Variants in WASL observed in about 807,000 individuals in gnomAD.
WASL encodes WASP like actin nucleation promoting factor.
In WASL, 20 loss-of-function variants were observed where a neutral mutation model predicts 55.5. That is an observed-to-expected ratio of 0.36 (90% CI 0.25 to 0.52). The LOEUF (loss-of-function observed/expected upper bound fraction) is 0.52, where lower values mean the gene tolerates loss of function less well. Among genes scored for constraint, WASL ranks in the 20% least tolerant of loss-of-function variants. The pLI, the probability that WASL is intolerant of heterozygous loss-of-function variation, is 0.92. For synonymous variants in WASL, 249 were observed against 217.6 expected, an observed-to-expected ratio of 1.14 and a Z score of -1.27; for missense variants, 504 against 622.5, an observed-to-expected ratio of 0.81 and a Z score of 2.03.
At chr7:123,742,153 C>T (rs910600020) in intron 1 of WASL, among the ~76,000 whole-genome samples, 4 of 152,110 alleles carry the variant, frequency 2.6e-5, no homozygotes, top group Admixed American at 6.5e-5. Flanking sequence ...TTCTAATATC[C>T]AGAGCACAGC....
Position 123,694,770 on chromosome 7 carries a change from G to A in WASL, c.771C>T (p.Asp257=). The change falls in exon 8 of 11, where the codon GAC becomes GAT. Residue 257 remains aspartate (D), a synonymous_variant. Transcript: ENST00000223023. ...CAACACCTCCTGTTTTTTCAATAAA[G>A]TCATATATAACTTTTGATGTTTCTC... The part of the protein sequence containing the change: ...KDRETSKVIY[D]FIEKTGGVEA... 1 of 1,612,706 alleles carries A rather than the reference G, an allele frequency of 6.2e-7. No homozygotes were observed. Among genetic ancestry groups the A allele is most frequent in the Non-Finnish European group, 8.5e-7 (1 of 1,179,382 alleles).
chr7:123,710,481 T>G (rs56396297), intron 1 of WASL, among the ~76,000 whole-genome samples: 2 of 151,672 alleles, frequency 1.3e-5, no homozygotes, highest in African/African-American at 4.8e-5. Flanking sequence ...GGGGTGCCCT[T>G]TTTTGGTAAG....
In WASL at chr7:123,748,797, T is replaced by C; in HGVS notation, c.-63A>G. On this transcript the variant is annotated 5_prime_UTR_variant, in exon 1 of 11. Transcript: ENST00000223023. ...CTCCGGCGAGTGGGCGAGAGCTCGTTCCCCCTCTCGGTGACAGGGGCGGGG... is the reference window on the plus strand; with the variant it reads ...CTCCGGCGAGTGGGCGAGAGCTCGTCCCCCCTCTCGGTGACAGGGGCGGGG... 7.4e-7 allele frequency: 1 copy of C among 1,352,364 alleles called. No individual in the cohort carries two copies. Among genetic ancestry groups the C allele is most frequent in the Non-Finnish European group, 9.8e-7 (1 of 1,017,518 alleles). 83.8% of individuals were successfully genotyped at this position (1,352,364 alleles called of 1,614,324 possible). A position where few individuals can be genotyped will look rare whatever the true frequency, so the allele number is the denominator to read the frequency against.
intron 1 of WASL, among the ~76,000 whole-genome samples, chr7:123,711,737 A>T (rs1803761502): frequency 1.3e-5 from 2 of 152,204 alleles, no homozygotes; most frequent in Admixed American, 6.6e-5. Context: ...AGTAATTACA[A>T]CAAATCAATT....
chr7:123,693,094 G>C (rs565523586), intron 8 of WASL, among the ~76,000 whole-genome samples: 4 of 152,004 alleles, frequency 2.6e-5, no homozygotes, highest in Non-Finnish European at 4.4e-5. Flanking sequence ...AAAAATATGA[G>C]CTAAAACAGA....
intron 1 of WASL, among the ~76,000 whole-genome samples, chr7:123,724,505 CTT>C (rs1487429591): frequency 6.6e-6 from 1 of 152,112 alleles, no homozygotes; most frequent in Non-Finnish European, 1.5e-5. Flanking sequence ...TATTGAATGA[CTT>C]ATAAGTTCCC....
At chr7:123,717,547 C>T (rs1032566767) in intron 1 of WASL, among the ~76,000 whole-genome samples, 1 of 152,172 alleles carries the variant, frequency 6.6e-6, no homozygotes, top group Non-Finnish European at 1.5e-5. Flanking sequence ...TGAGTGTTGC[C>T]CAGCTCCTGC....
intron 1 of WASL, among the ~76,000 whole-genome samples, chr7:123,717,029 C>CA (rs1313339049): frequency 1.3e-5 from 2 of 152,012 alleles, no homozygotes; most frequent in African/African-American, 2.4e-5. Flanking sequence ...TGCCCTATGC[C>CA]AGCTAAATGA....
chr7:123,733,787 T>C (rs1029143828), intron 1 of WASL, among the ~76,000 whole-genome samples: 3 of 151,914 alleles, frequency 2.0e-5, no homozygotes, highest in African/African-American at 7.3e-5. Flanking sequence ...CAAAATAGAC[T>C]GGTGGCCCAG....
At chr7:123,707,137 A>C (rs1208744472) in intron 2 of WASL, among the ~76,000 whole-genome samples, 3 of 152,138 alleles carry the variant, frequency 2.0e-5, no homozygotes, top group African/African-American at 4.8e-5. Flanking sequence ...AACCAGAATA[A>C]TTACTAGGTC....
At chr7:123,734,214 T>C (rs1265523528) in intron 1 of WASL, among the ~76,000 whole-genome samples, 1 of 152,010 alleles carries the variant, frequency 6.6e-6, no homozygotes, top group African/African-American at 2.4e-5. Context: ...CAGACTCAGA[T>C]AAAAATACAT....
At chr7:123,715,586 A>G (rs549689390) in intron 1 of WASL, among the ~76,000 whole-genome samples, 1 of 152,342 alleles carries the variant, frequency 6.6e-6, no homozygotes, top group South Asian at 2.1e-4. Flanking sequence ...AGTTATGACA[A>G]ATTTTTGGTT....
intron 1 of WASL, among the ~76,000 whole-genome samples, chr7:123,713,964 T>C (rs561492629): frequency 6.6e-6 from 1 of 152,352 alleles, no homozygotes; most frequent in East Asian, 1.9e-4. Flanking sequence ...TGTGTGAACT[T>C]TGGTATCTGT....
chr7:123,701,896 C>CA (rs1340510805), intron 5 of WASL, among the ~76,000 whole-genome samples: 1 of 150,478 alleles, frequency 6.6e-6, no homozygotes, highest in Non-Finnish European at 1.5e-5. Context: ...TATAAGTATA[C>CA]AAGTATTGGC....
intron 1 of WASL, among the ~76,000 whole-genome samples, chr7:123,746,089 A>G (rs1028729854): frequency 2.0e-5 from 3 of 152,028 alleles, no homozygotes; most frequent in African/African-American, 7.2e-5. Context: ...GTCCAAAGTG[A>G]CCCCCAGTTT....
rs2116834794 is a variant in WASL, at chr7:123,748,777, G to A, written c.-43C>T. On this transcript the variant is annotated 5_prime_UTR_variant, in exon 1 of 11. Coordinates refer to ENST00000223023, the MANE Select transcript of WASL (RefSeq NM_003941.4). ...TGGGAGTCCAGGGCCGTCTCCTCCG[G>A]CGAGTGGGCGAGAGCTCGTTCCCCC... The A allele has an allele frequency of 6.8e-7, 1 of 1,467,276 alleles. No homozygotes were observed. The highest frequency in any genetic ancestry group is 9.1e-7 in the Non-Finnish European group (1 of 1,099,572). 90.9% of individuals were successfully genotyped at this position (1,467,276 alleles called of 1,614,324 possible).
intron 8 of WASL, 81 bp downstream of exon 8, chr7:123,694,634 G>T (rs925351354): frequency 7.0e-7 from 1 of 1,435,726 alleles, no homozygotes; most frequent in Non-Finnish European, 9.5e-7. Context: ...GGGTTCACAT[G>T]TATGAATGTT....
chr7:123,743,835 T>G lies in WASL; in HGVS notation c.117+4783A>C, dbSNP rs10253990. ...AAGAAATGTCCCTGTATTATATATA[T>G]AGAGCTAAGAATAACCAGAAGTAAA... On this transcript the variant is annotated intron_variant, in intron 1 of 10. Coordinates refer to ENST00000223023, the MANE Select transcript of WASL (RefSeq NM_003941.4). 8.8e-3 allele frequency among the ~76,000 whole-genome samples: 1,334 copies of G among 152,312 alleles called. 19 individuals carry two copies. The highest frequency in any genetic ancestry group is 0.03 in the African/African-American group (1,228 of 41,564).
chr7:123,747,429 T>C (rs1804451557), intron 1 of WASL, among the ~76,000 whole-genome samples: 1 of 152,162 alleles, frequency 6.6e-6, no homozygotes, highest in Non-Finnish European at 1.5e-5. Context: ...CGATTCAATC[T>C]CCAACCGGAT....
Sources: allele counts gnomAD v4.1 joint callset (sites outside exome capture counted in the v4.1 genomes callset), GRCh38; gene constraint gnomAD v4.1.1; transcripts MANE v1.5; gene names NCBI Gene and HGNC (gene_info 2026-07-23, HGNC 2026-07-21).